Variants in PTPN13 observed in about 807,000 individuals in gnomAD.
The protein encoded by PTPN13 is tyrosine-protein phosphatase non-receptor type 13.
In PTPN13, 191 loss-of-function variants were observed where a neutral mutation model predicts 284.0. The observed-to-expected ratio is 0.67, with a 90% confidence interval of 0.60 to 0.76. PTPN13 has a LOEUF of 0.76. Among genes scored for constraint, PTPN13 ranks in the 30% least tolerant of loss-of-function variants. The pLI is 0.00. For synonymous variants in PTPN13, 986 were observed against 1,022.3 expected, an observed-to-expected ratio of 0.96 and a Z score of 0.68; for missense variants, 2,797 against 2,939.9, an observed-to-expected ratio of 0.95 and a Z score of 1.12.
At chr4:86,770,884 G>T (rs1381258217) in intron 30 of PTPN13, among the ~76,000 whole-genome samples, 1 of 152,070 alleles carries the variant, frequency 6.6e-6, no homozygotes, top group Non-Finnish European at 1.5e-5. Flanking sequence ...TATTAAAATT[G>T]TTTTAAAGCA....
chr4:86,697,814 G>GTAAA (rs1730732111), intron 6 of PTPN13, among the ~76,000 whole-genome samples: 2 of 152,070 alleles, frequency 1.3e-5, no homozygotes, highest in Admixed American at 1.3e-4. Context: ...GAATTGAAAG[G>GTAAA]TAAATGATGA....
intron 10 of PTPN13, among the ~76,000 whole-genome samples, chr4:86,730,287 AC>A (rs1273285944): frequency 6.7e-6 from 1 of 149,096 alleles, no homozygotes; most frequent in African/African-American, 2.4e-5. Flanking sequence ...GGGGTCATGG[AC>A]CCATTCTCAG....
chr4:86,779,651 T>C (rs1363513087), intron 35 of PTPN13, among the ~76,000 whole-genome samples: 1 of 152,096 alleles, frequency 6.6e-6, no homozygotes, highest in Non-Finnish European at 1.5e-5. Flanking sequence ...GACCTTGCAT[T>C]TTGGGGCTAG....
intron 1 of PTPN13, among the ~76,000 whole-genome samples, chr4:86,604,273 G>A (rs1453195958): frequency 6.6e-6 from 1 of 151,940 alleles, no homozygotes; most frequent in Non-Finnish European, 1.5e-5. Context: ...TATCTCAAAA[G>A]GTTTTGTAAG....
intron 30 of PTPN13, 66 bp downstream of exon 30, chr4:86,770,265 T>C: frequency 7.1e-7 from 1 of 1,404,306 alleles, no homozygotes; most frequent in Non-Finnish European, 9.9e-7. Context: ...CTAATTCAGC[T>C]GTGGTGGTTT....
At chr4:86,638,222 A>G (rs1157792620) in intron 2 of PTPN13, among the ~76,000 whole-genome samples, 4 of 152,222 alleles carry the variant, frequency 2.6e-5, no homozygotes, top group Admixed American at 6.5e-5. Flanking sequence ...ATGGGTAGGA[A>G]GAGTCAATAT....
intron 10 of PTPN13, among the ~76,000 whole-genome samples, chr4:86,728,286 A>G (rs1488549538): frequency 6.7e-6 from 1 of 149,522 alleles, no homozygotes; most frequent in Non-Finnish European, 1.5e-5. Context: ...AAGAATGTAC[A>G]TTCTGTTGAT....
In PTPN13 at chr4:86,734,429, T is replaced by A; in HGVS notation, c.1985T>A (p.Phe662Tyr). 3.2e-6 allele frequency: 5 copies of A among 1,557,718 alleles called. No individual in the cohort carries two copies. The highest frequency in any genetic ancestry group is 4.3e-6 in the Non-Finnish European group (5 of 1,149,502). Residue 662 changes from phenylalanine to tyrosine, a missense_variant, in exon 13 of 48, where the codon TTT becomes TAT. By Grantham distance (22) the Phe-to-Tyr change is conservative. Coordinates refer to ENST00000411767, the MANE Select transcript of PTPN13 (RefSeq NM_080683.3). ...TTTACTTTGTTTTTCAGAATTAAATTTTTTATGGATGATGTTAGTCTAATA... is the reference window on the plus strand; with the variant it reads ...TTTACTTTGTTTTTCAGAATTAAATATTTTATGGATGATGTTAGTCTAATA... ...VNFTLFFRIK[F>Y]FMDDVSLIQH...
At chr4:86,783,448 G>C (rs1240165908) in intron 37 of PTPN13, among the ~76,000 whole-genome samples, 1 of 152,030 alleles carries the variant, frequency 6.6e-6, no homozygotes, top group Non-Finnish European at 1.5e-5. Flanking sequence ...AAGAAGAGTT[G>C]AGTTTTTGTG....
chr4:86,609,419 A>G (rs894000004), intron 1 of PTPN13, among the ~76,000 whole-genome samples: 1 of 152,132 alleles, frequency 6.6e-6, no homozygotes, highest in Non-Finnish European at 1.5e-5. Context: ...TTTGCCTCCA[A>G]GTCCCCTTCC....
intron 1 of PTPN13, among the ~76,000 whole-genome samples, chr4:86,622,828 C>T (rs931147653): frequency 8.5e-5 from 13 of 152,126 alleles, no homozygotes; most frequent in East Asian, 1.9e-4. Context: ...TTATGCCCAC[C>T]GCATATATTC....
rs753576947 is a variant in PTPN13 at position 86,716,605 on chromosome 4, C to G, written c.1271C>G (p.Ser424Cys). 1 of 1,591,572 alleles carries G rather than the reference C, an allele frequency of 6.3e-7. No individual in the cohort carries two copies. The highest frequency in any genetic ancestry group is 2.2e-5 in the East Asian group (1 of 44,452). Residue 424 changes from serine to cysteine, a missense_variant, in exon 8 of 48, where the codon TCT (serine) becomes TGT (cysteine). Physicochemically the swap from Ser to Cys is moderately radical, Grantham distance 112. Transcript: ENST00000411767. ...AGTGAAAGTCCATCTATTATTTCCT[C>G]TGAATCAGATTTCAGACAAGGTAGG... ...TSSESPSIIS[S>C]ESDFRQVRRS...
chr4:86,802,725 C>T (rs1482959855), intron 42 of PTPN13, among the ~76,000 whole-genome samples: 1 of 151,994 alleles, frequency 6.6e-6, no homozygotes, highest in Non-Finnish European at 1.5e-5. Flanking sequence ...GAAATTAGTT[C>T]ATTTGTTAGT....
chr4:86,746,426 T>C (rs1736769351), intron 17 of PTPN13, among the ~76,000 whole-genome samples: 1 of 152,140 alleles, frequency 6.6e-6, no homozygotes, highest in Admixed American at 6.5e-5. Flanking sequence ...ATTCAAAAAA[T>C]GTTTTCCCCA....
Position 86,722,311 on chromosome 4 carries a change from C to T in PTPN13, c.1485C>T (p.Ala495=). ...TGATGCAGCTACAAGCCAAAATGGCCCTTAGACAGTCTCGGTTGAGCCTAT... is the reference window on the plus strand; with the variant it reads ...TGATGCAGCTACAAGCCAAAATGGCTCTTAGACAGTCTCGGTTGAGCCTAT... The part of the protein sequence containing the change: ...EELMQLQAKM[A]LRQSRLSLYP... The change falls in exon 10 of 48, where the codon GCC becomes GCT. Residue 495 remains alanine (A), a synonymous_variant. Coordinates refer to ENST00000411767, the MANE Select transcript of PTPN13 (RefSeq NM_080683.3). 1 of 1,613,560 alleles carries T rather than the reference C, an allele frequency of 6.2e-7. No homozygotes were observed. The highest frequency in any genetic ancestry group is 8.5e-7 in the Non-Finnish European group (1 of 1,179,696).
intron 2 of PTPN13, among the ~76,000 whole-genome samples, chr4:86,663,147 T>C (rs1208577611): frequency 1.3e-5 from 2 of 152,254 alleles, no homozygotes; most frequent in Non-Finnish European, 2.9e-5. Flanking sequence ...TTAAGTGGTG[T>C]AGGGGAAAAG....
chr4:86,672,101 C>G (rs747967979), intron 2 of PTPN13, among the ~76,000 whole-genome samples: 1 of 152,182 alleles, frequency 6.6e-6, no homozygotes, highest in Non-Finnish European at 1.5e-5. Flanking sequence ...TGAAAGGGCT[C>G]TATTTCTAGT....
intron 40 of PTPN13, among the ~76,000 whole-genome samples, chr4:86,789,213 G>A (rs1480513689): frequency 6.6e-6 from 1 of 152,184 alleles, no homozygotes; most frequent in Non-Finnish European, 1.5e-5. Context: ...CACATCTCTT[G>A]CCACTGAAAT....
chr4:86,802,146 A>AGTGTGTGT (rs55759778), intron 42 of PTPN13, among the ~76,000 whole-genome samples: 141 of 135,202 alleles, frequency 1.0e-3, no homozygotes, highest in African/African-American at 3.3e-3. Context: ...TCAAGATTTT[A>AGTGTGTGT]GTGTGTGTGT....
Sources: allele counts gnomAD v4.1 joint callset (sites outside exome capture counted in the v4.1 genomes callset), GRCh38; gene constraint gnomAD v4.1.1; transcripts MANE v1.5; gene names NCBI Gene and HGNC (gene_info 2026-07-23, HGNC 2026-07-21).